The following DNAJB4 variants were observed in gnomAD, a reference collection of about 807,000 sequenced individuals.
DNAJB4 encodes the protein DnaJ heat shock protein family (Hsp40) member B4, also known as dnaJ homolog subfamily B member 4.
A neutral mutation model predicts 26.6 loss-of-function variants in DNAJB4; 10 were observed. The ratio of observed to expected loss-of-function variants is 0.38; its 90% CI spans 0.23 to 0.64. DNAJB4 has a LOEUF of 0.64. DNAJB4 is among the 30% of genes least tolerant of loss of function. DNAJB4 has a pLI of 0.58. For synonymous variants in DNAJB4, 136 were observed against 134.8 expected (o/e 1.01, Z -0.06); for missense variants, 328 against 408.2 (o/e 0.80, Z 1.69).
intron 1 of DNAJB4, among the ~76,000 whole-genome samples, chr1:77,994,876 T>C (rs1261802556): frequency 6.6e-6 from 1 of 152,182 alleles, no homozygotes; most frequent in African/African-American, 2.4e-5. Context: ...ATAAGTAAAA[T>C]AGAGTTCACC....
chr1:77,983,404 C>T (rs532206312), intron 1 of DNAJB4, among the ~76,000 whole-genome samples: 57 of 152,356 alleles, frequency 3.7e-4, no homozygotes, highest in African/African-American at 1.3e-3. Flanking sequence ...TAATCCTCCT[C>T]AGCACAGACC....
At chr1:77,996,898 G>A (rs1327815136) in intron 1 of DNAJB4, among the ~76,000 whole-genome samples, 3 of 152,010 alleles carry the variant, frequency 2.0e-5, no homozygotes, top group Non-Finnish European at 2.9e-5. Flanking sequence ...GGTGGACTGC[G>A]ATCACGGCTC....
chr1:78,012,015 G>A (rs925588488), intron 1 of DNAJB4, among the ~76,000 whole-genome samples: 2 of 148,816 alleles, frequency 1.3e-5, no homozygotes, highest in African/African-American at 2.4e-5. Context: ...TGCACTTTGT[G>A]TTGATTGCTG....
chr1:77,984,244 C>A (rs1024073402), intron 1 of DNAJB4, among the ~76,000 whole-genome samples: 2 of 152,152 alleles, frequency 1.3e-5, no homozygotes, highest in African/African-American at 4.8e-5. Flanking sequence ...TCCCTTCAGC[C>A]CTAAGTCATT....
chr1:78,009,021 GGTA>G (rs1241571714), intron 1 of DNAJB4, among the ~76,000 whole-genome samples: 2 of 149,554 alleles, frequency 1.3e-5, no homozygotes, highest in East Asian at 1.9e-4. Flanking sequence ...AATATTAAAA[GGTA>G]GTGTTTAAAT....
chr1:77,996,717 A>C (rs1337030943), intron 1 of DNAJB4, among the ~76,000 whole-genome samples: 1 of 152,228 alleles, frequency 6.6e-6, no homozygotes, highest in Non-Finnish European at 1.5e-5. Context: ...TACTAATATT[A>C]CTGTAGCGAT....
chr1:77,997,330 A>AG (rs1354518266), intron 1 of DNAJB4, among the ~76,000 whole-genome samples: 1 of 149,688 alleles, frequency 6.7e-6, no homozygotes, highest in African/African-American at 2.5e-5. Flanking sequence ...AAAAAAAAAA[A>AG]AAATCTATAT....
chr1:77,979,180 G>C (rs1659365667), upstream of DNAJB4: 1 of 642,490 alleles, frequency 1.6e-6, no homozygotes, highest in Admixed American at 3.0e-5. Flanking sequence ...GCAACGCGCT[G>C]GTGTGGGTTA....
intron 2 of DNAJB4, among the ~76,000 whole-genome samples, chr1:78,015,247 A>G (rs1212955075): frequency 1.3e-5 from 2 of 152,188 alleles, no homozygotes; most frequent in Non-Finnish European, 2.9e-5. Flanking sequence ...TTTGTTATCT[A>G]AAACAAATAT....
chr1:78,011,689 G>A (rs1660479351), intron 1 of DNAJB4, among the ~76,000 whole-genome samples: 1 of 151,688 alleles, frequency 6.6e-6, no homozygotes. Flanking sequence ...TCACCATGTA[G>A]ACCAGGCTGG....
intron 1 of DNAJB4, among the ~76,000 whole-genome samples, chr1:77,996,193 C>G (rs1420810706): frequency 6.6e-6 from 1 of 152,126 alleles, no homozygotes; most frequent in Middle Eastern, 3.2e-3. Context: ...TATTGTGTCA[C>G]TCAGGTTTGA....
In DNAJB4 at chr1:78,016,050, G is replaced by GT; in HGVS notation, c.817_818insT (p.Asp273ValfsTer11). Reference sequence around the variant, plus strand: ...CTGCTCAATTAATGTACCAACACTGGATGGAAGAAACATACCTATGTCAGT... The same window carrying GT: ...CTGCTCAATTAATGTACCAACACTGGTATGGAAGAAACATACCTATGTCAGT... On this transcript the variant is annotated frameshift_variant, in exon 3 of 3. Coordinates refer to ENST00000370763, the MANE Select transcript of DNAJB4 (RefSeq NM_007034.5). LOFTEE classifies it high-confidence loss of function. The GT allele has an allele frequency of 6.2e-7, 1 of 1,613,952 alleles. No individual in the cohort carries two copies. Among genetic ancestry groups the GT allele is most frequent in the Non-Finnish European group, 8.5e-7 (1 of 1,180,004 alleles).
upstream of DNAJB4, among the ~76,000 whole-genome samples, chr1:77,999,976 C>T (rs1159010339): frequency 6.6e-6 from 1 of 152,066 alleles, no homozygotes; most frequent in Non-Finnish European, 1.5e-5. Context: ...ATTCCAAAAT[C>T]AAATATATAT....
At chr1:77,987,913 T>A (rs1302154075) in intron 1 of DNAJB4, among the ~76,000 whole-genome samples, 1 of 148,694 alleles carries the variant, frequency 6.7e-6, no homozygotes, top group Non-Finnish European at 1.5e-5. Flanking sequence ...GTATATATAT[T>A]TTATATATGT....
Position 78,008,678 on chromosome 1 carries a change from T to C in DNAJB4, c.211+3357T>C, listed in dbSNP as rs1308573773. ...GATTGTGATGATGGTTATACAGCTC[T>C]ATCAATTTACTATAATCAATTGAAT... On this transcript the variant is annotated intron_variant, in intron 1 of 2. Transcript: ENST00000370763. Among the ~76,000 whole-genome samples the C allele has an allele frequency of 2.0e-5, 3 of 152,300 alleles. No individual in the cohort carries two copies. In the South Asian group the frequency reaches 6.2e-4, roughly 32 times the overall value.
In DNAJB4 at chr1:78,016,179, G is replaced by A; in HGVS notation, c.946G>A (p.Val316Met). 6.2e-7 allele frequency: 1 copy of A among 1,614,068 alleles called. No homozygotes were observed. The highest frequency in any genetic ancestry group is 1.1e-5 in the South Asian group (1 of 91,080). The change falls in exon 3 of 3, where the codon GTG (valine) becomes ATG (methionine). Residue 316 changes from valine (V) to methionine (M), a missense_variant. By Grantham distance (21) the Val-to-Met change is conservative. Coordinates refer to ENST00000370763, the MANE Select transcript of DNAJB4 (RefSeq NM_007034.5). ...QRGDLLIEFE[V>M]SFPDTISSSS... is the part of the protein sequence containing the mutation. ...TGGTGACCTTCTAATAGAATTTGAGGTGTCCTTCCCAGATACTATATCTTC... is the reference window on the plus strand; with the variant it reads ...TGGTGACCTTCTAATAGAATTTGAGATGTCCTTCCCAGATACTATATCTTC...
At chr1:77,992,705 A>G (rs369930769) in intron 1 of DNAJB4, 1 of 152,176 alleles carries the variant, frequency 6.6e-6, no homozygotes, top group South Asian at 2.1e-4. Flanking sequence ...TTATTTTACC[A>G]TCAGACAAGC....
chr1:78,005,034 T>A lies in DNAJB4; in HGVS notation c.-77T>A. The A allele has an allele frequency of 6.9e-7, 1 of 1,444,782 alleles. No homozygotes were observed. Among genetic ancestry groups the A allele is most frequent in the Admixed American group, 2.1e-5 (1 of 47,336 alleles). 89.5% of individuals were successfully genotyped at this position (1,444,782 alleles called of 1,614,324 possible). On this transcript the variant is annotated 5_prime_UTR_variant, in exon 1 of 3. Coordinates refer to ENST00000370763, the MANE Select transcript of DNAJB4 (RefSeq NM_007034.5). ...AAATACCCAGCTTGGTTTATTTTTC[T>A]TAGAATCTGTTGCTAAGACTGGGGA...
Position 78,016,142 on chromosome 1 carries a change from T to C in DNAJB4, c.909T>C (p.Asn303=). The change falls in exon 3 of 3, where the codon AAT becomes AAC. Residue 303 remains asparagine, a synonymous_variant. Coordinates refer to ENST00000370763, the MANE Select transcript of DNAJB4 (RefSeq NM_007034.5). ...IIGYGLPFPK[N]PDQRGDLLIE... ...GATATGGGCTGCCATTTCCAAAAAA[T>C]CCTGACCAACGTGGTGACCTTCTAA... The C allele has an allele frequency of 6.2e-7, 1 of 1,614,148 alleles. No individual in the cohort carries two copies. Among genetic ancestry groups the C allele is most frequent in the Non-Finnish European group, 8.5e-7 (1 of 1,180,020 alleles).
Sources: gnomAD v4.1 joint callset for allele counts (sites outside exome capture counted in the v4.1 genomes callset) on GRCh38, gnomAD v4.1.1 for gene constraint, MANE v1.5 for transcripts, NCBI Gene and HGNC (gene_info 2026-07-23, HGNC 2026-07-21) for gene names.